Variants in SART3 observed in about 807,000 individuals in gnomAD.
SART3 encodes HIV-1 Tat-interacting protein of 110kDa.
In SART3, 44 loss-of-function variants were observed where a neutral mutation model predicts 122.3. The ratio of observed to expected loss-of-function variants is 0.36; its 90% CI spans 0.28 to 0.46. SART3 has a LOEUF of 0.46. Ranked by LOEUF, SART3 falls within the 20% of genes least tolerant of loss-of-function variation. The pLI is 1.00. For synonymous variants in SART3, 442 were observed against 454.0 expected (o/e 0.97, Z 0.34); for missense variants, 1,101 against 1,229.0 (o/e 0.90, Z 1.56).
At chr12:108,560,587 TCA>T (rs2030473676) in intron 1 of SART3, 1 of 465,576 alleles carries the variant, frequency 2.1e-6, no homozygotes, top group African/African-American at 2.0e-5. Context: ...TCCACGAGCC[TCA>T]GTTTCCTCCA....
rs2136656920 is a variant in SART3, at chr12:108,522,509, A to C, written c.*948T>G. The C allele has an allele frequency of 6.6e-6, 1 of 152,358 alleles. No individual in the cohort carries two copies. The highest frequency in any genetic ancestry group is 6.5e-5 in the Admixed American group (1 of 15,298). 9.4% of individuals were successfully genotyped at this position (152,358 alleles called of 1,614,324 possible). ...TGAGGTAAAAAAGCTCAAAAGCTCCAGTGTCAAACTGCTATAAAATGAAGA... is the reference window on the plus strand; with the variant it reads ...TGAGGTAAAAAAGCTCAAAAGCTCCCGTGTCAAACTGCTATAAAATGAAGA... On this transcript the variant is annotated 3_prime_UTR_variant, in exon 19 of 19. Transcript: ENST00000546815.
intron 2 of SART3, among the ~76,000 whole-genome samples, 181 bp downstream of exon 2, chr12:108,548,907 A>G (rs1271661897): frequency 6.6e-6 from 1 of 152,264 alleles, no homozygotes; most frequent in African/African-American, 2.4e-5. Flanking sequence ...TTATATGATC[A>G]TAACTACATT....
chr12:108,545,110 C>A, intron 4 of SART3, 29 bp downstream of exon 4: 1 of 1,609,958 alleles, frequency 6.2e-7, no homozygotes, highest in South Asian at 1.1e-5. Flanking sequence ...ACAGCCCCAA[C>A]CCGTTCAGAG....
intron 1 of SART3, among the ~76,000 whole-genome samples, chr12:108,550,124 C>T (rs2029946272): frequency 1.3e-5 from 2 of 150,606 alleles, no homozygotes; most frequent in African/African-American, 2.4e-5. Flanking sequence ...TTTATTTGTA[C>T]ATTTGAAACT....
At chr12:108,547,797 TG>T in intron 3 of SART3, 89 bp downstream of exon 3, 2 of 919,998 alleles carry the variant, frequency 2.2e-6, no homozygotes, top group Non-Finnish European at 3.5e-6. Flanking sequence ...TTCCCTTTTC[TG>T]GGTAGCAACA....
At chr12:108,525,949 G>A (rs1371506558) in intron 16 of SART3, 150 bp downstream of exon 16, 15 of 698,118 alleles carry the variant, frequency 2.1e-5, no homozygotes, top group Admixed American at 5.3e-5. Flanking sequence ...TCAGTCAACC[G>A]GCTCAGGATG....
At chr12:108,530,719 G>T (rs117415952) in intron 14 of SART3, among the ~76,000 whole-genome samples, 2 of 152,140 alleles carry the variant, frequency 1.3e-5, no homozygotes, top group Non-Finnish European at 2.9e-5. Context: ...TTAGCTAGGT[G>T]TGGTAGCGGG....
intron 1 of SART3, among the ~76,000 whole-genome samples, chr12:108,552,458 C>CT (rs2030045545): frequency 8.9e-6 from 1 of 111,806 alleles, no homozygotes; most frequent in Admixed American, 1.1e-4. Context: ...AGTAGACAAT[C>CT]TTAAGGAACC....
chr12:108,528,312 G>A (rs930103398), intron 15 of SART3, among the ~76,000 whole-genome samples: 4 of 151,416 alleles, frequency 2.6e-5, no homozygotes, highest in South Asian at 2.1e-4. Flanking sequence ...GTGAAACCCC[G>A]TCTCTACTAA....
intron 18 of SART3, chr12:108,523,891 T>C: frequency 1.7e-6 from 1 of 590,596 alleles, no homozygotes; most frequent in Non-Finnish European, 3.0e-6. Context: ...GACTATCACC[T>C]CTCAGACCTC....
rs369741200 is a variant in SART3 at position 108,536,093 on chromosome 12, T to C, written c.1446+421A>G. 4.6e-5 allele frequency among the ~76,000 whole-genome samples: 7 copies of C among 152,216 alleles called. No homozygotes were observed. The East Asian group carries it at 1.2e-3, about 25-fold the overall frequency. ...ACATTCAAGTCATCATATCCTCTAA[T>C]TACTTGTCAAATCATCTGTCTTCTA... On this transcript the variant is annotated intron_variant, in intron 11 of 18. Transcript: ENST00000546815.
chr12:108,556,041 A>G (rs2030207706), intron 1 of SART3, among the ~76,000 whole-genome samples: 1 of 152,148 alleles, frequency 6.6e-6, no homozygotes, highest in African/African-American at 2.4e-5. Flanking sequence ...CAGCTAAAAT[A>G]AATTCACAAC....
intron 14 of SART3, 97 bp from the exon 15 acceptor site, chr12:108,530,407 T>C: frequency 1.5e-6 from 2 of 1,367,988 alleles, no homozygotes; most frequent in Non-Finnish European, 2.1e-6. Flanking sequence ...AATTCATTAC[T>C]AATGAAAAGC....
chr12:108,541,145 G>A (rs1175664281), intron 6 of SART3, among the ~76,000 whole-genome samples: 9 of 152,186 alleles, frequency 5.9e-5, no homozygotes, highest in South Asian at 2.1e-4. Flanking sequence ...AGTGACTCAC[G>A]CCTGTAATCC....
intron 1 of SART3, among the ~76,000 whole-genome samples, chr12:108,551,919 A>C (rs993514452): frequency 6.6e-6 from 1 of 152,066 alleles, no homozygotes; most frequent in Non-Finnish European, 1.5e-5. Flanking sequence ...AATTGCAACA[A>C]ATCAAAATAA....
At chr12:108,531,107 C>G (rs1343547881) in intron 14 of SART3, 97 bp downstream of exon 14, 16 of 896,492 alleles carry the variant, frequency 1.8e-5, no homozygotes, top group Non-Finnish European at 3.0e-5. Flanking sequence ...GTAAAAGACA[C>G]TTAGGAAAAT....
In SART3 at chr12:108,524,441, G is replaced by T; in HGVS notation, c.2589C>A (p.Gly863=). Residue 863 remains glycine, a synonymous_variant, in exon 18 of 19, where the codon GGC becomes GGA. Transcript: ENST00000546815. ...TGATGATGTTCTCTTTGATAGTCAT[G>T]CCGTCCATCTTCATCACAGCCTGCG... is the stretch of plus-strand genomic sequence containing the variant. ...QASQAVMKMD[G]MTIKENIIKV... 6.2e-7 allele frequency: 1 copy of T among 1,614,146 alleles called. No individual in the cohort carries two copies.
chr12:108,542,621 A>G (rs1873219403), intron 6 of SART3: 1 of 327,388 alleles, frequency 3.1e-6, no homozygotes, highest in Admixed American at 4.1e-5. Flanking sequence ...ATGTTCAATG[A>G]AAATAAAATA....
chr12:108,524,797 TGGA>T, intron 17 of SART3: 1 of 493,322 alleles, frequency 2.0e-6, no homozygotes. Context: ...AAAAGACAGA[TGGA>T]CCAGTATAAA....
Sources: allele counts gnomAD v4.1 joint callset (sites outside exome capture counted in the v4.1 genomes callset), GRCh38; gene constraint gnomAD v4.1.1; transcripts MANE v1.5; gene names NCBI Gene and HGNC (gene_info 2026-07-23, HGNC 2026-07-21).